Variants in ATP5F1D observed in about 807,000 individuals in gnomAD.
ATP5F1D encodes the protein ATP synthase F(1) complex subunit delta, mitochondrial.
A neutral mutation model predicts 13.0 loss-of-function variants in ATP5F1D; 16 were observed. The observed-to-expected ratio is 1.23, with a 90% confidence interval of 0.83 to 1.87. The LOEUF (loss-of-function observed/expected upper bound fraction) is 1.87. Ranked by LOEUF, ATP5F1D falls within the 40% of genes most tolerant of loss-of-function variation. The probability of loss-of-function intolerance (pLI) is 0.00; values close to 1 mark genes in which losing one functional copy is unlikely to be tolerated. For missense variants in ATP5F1D, 294 were observed against 246.2 expected, an observed-to-expected ratio of 1.19 and a Z score of -1.30; for synonymous variants, 129 against 116.2, an observed-to-expected ratio of 1.11 and a Z score of -0.71.
intron 1 of ATP5F1D, 144 bp downstream of exon 1, chr19:1,242,135 C>T: frequency 2.8e-6 from 3 of 1,074,648 alleles, no homozygotes; most frequent in Non-Finnish European, 3.6e-6. Flanking sequence ...ACCCTCGGCC[C>T]TGCCTCTGCT....
At position 1,241,890 on chromosome 19, in the gene ATP5F1D, C is replaced by A. The variant is rs758564942; in HGVS notation, c.40C>A (p.Arg14Ser). Reference sequence around the variant, plus strand: ...GCTGCTCCGCCGCCCGGGACTTGGCCGCCTCGTCCGCCACGCCCGTGCCTA... The same window carrying A: ...GCTGCTCCGCCGCCCGGGACTTGGCAGCCTCGTCCGCCACGCCCGTGCCTA... ...AALLRRPGLG[R>S]LVRHARAYAE... Residue 14 changes from arginine to serine, a missense_variant, in exon 1 of 4, where the codon CGC (arginine) becomes AGC (serine). Arg to Ser is a moderately radical substitution (Grantham distance 110). Coordinates refer to ENST00000215375, the MANE Select transcript of ATP5F1D (RefSeq NM_001687.5). The A allele has an allele frequency of 1.4e-6, 2 of 1,444,864 alleles. No individual in the cohort carries two copies. The highest frequency in any genetic ancestry group is 2.8e-5 in the South Asian group (2 of 71,298). 89.5% of individuals were successfully genotyped at this position (1,444,864 alleles called of 1,614,324 possible). A position where few individuals can be genotyped will look rare whatever the true frequency, so the allele number is the denominator to read the frequency against.
intron 1 of ATP5F1D, 141 bp from the exon 2 acceptor site, chr19:1,242,315 G>A (rs1371602692): frequency 5.5e-6 from 6 of 1,083,290 alleles, no homozygotes; most frequent in Non-Finnish European, 7.4e-6. Flanking sequence ...CTGCAACTTC[G>A]GATCCCTGCG....
chr19:1,243,697 G>A (rs1048089200), intron 2 of ATP5F1D, among the ~76,000 whole-genome samples: 2 of 152,334 alleles, frequency 1.3e-5, no homozygotes, highest in African/African-American at 4.8e-5. Flanking sequence ...GGGCTGATCA[G>A]ATTAGGGGAG....
Position 1,244,299 on chromosome 19 carries a change from C to T in ATP5F1D, c.385-16C>T, listed in dbSNP as rs770142305. ...GGGTCGCTGCTGGCCCCTCACCGCCCCTCAACCCCTTGCAGGCAGCCAAGG... is the reference window on the plus strand; with the variant it reads ...GGGTCGCTGCTGGCCCCTCACCGCCTCTCAACCCCTTGCAGGCAGCCAAGG... On this transcript the variant is annotated splice_polypyrimidine_tract_variant and intron_variant, in intron 3 of 3. Transcript: ENST00000215375. 3 of 1,589,678 alleles carry T rather than the reference C, an allele frequency of 1.9e-6. No homozygotes were observed. The highest frequency in any genetic ancestry group is 1.1e-5 in the South Asian group (1 of 87,768).
Position 1,242,522 on chromosome 19 carries a change from C to T in ATP5F1D, c.208C>T (p.Leu70=). 6.4e-7 allele frequency: 1 copy of T among 1,550,874 alleles called. No individual in the cohort carries two copies. Among genetic ancestry groups the T allele is most frequent in the Non-Finnish European group, 8.7e-7 (1 of 1,147,566 alleles). Residue 70 remains leucine, a synonymous_variant, in exon 2 of 4, where the codon CTG becomes TTG. Transcript: ENST00000215375. ...VPTLTGAFGI[L]AAHVPTLQVL... ...CACGCTGACCGGAGCCTTCGGCATCCTGGCGGCCCACGTGCCCACGCTGCA... is the reference window on the plus strand; with the variant it reads ...CACGCTGACCGGAGCCTTCGGCATCTTGGCGGCCCACGTGCCCACGCTGCA...
chr19:1,243,837 C>T (rs2081049181), intron 2 of ATP5F1D, among the ~76,000 whole-genome samples: 1 of 152,210 alleles, frequency 6.6e-6, no homozygotes, highest in Non-Finnish European at 1.5e-5. Flanking sequence ...AGAGGGAGGG[C>T]CTCTGTCCCC....
intron 2 of ATP5F1D, 34 bp downstream of exon 2, chr19:1,242,643 G>T: frequency 1.4e-6 from 2 of 1,462,552 alleles, no homozygotes; most frequent in Non-Finnish European, 1.8e-6. Context: ...GGCCAGGCCA[G>T]GCTGGGGCTC....
At position 1,242,470 on chromosome 19, in the gene ATP5F1D, T is replaced by C; in HGVS notation, c.156T>C (p.Gly52=). 1 of 1,531,924 alleles carries C rather than the reference T, an allele frequency of 6.5e-7. No homozygotes were observed. Among genetic ancestry groups the C allele is most frequent in the Non-Finnish European group, 8.8e-7 (1 of 1,134,232 alleles). 94.9% of individuals were successfully genotyped at this position (1,531,924 alleles called of 1,614,324 possible). A position where few individuals can be genotyped will look rare whatever the true frequency, so the allele number is the denominator to read the frequency against. ...FASPTQVFFN[G]ANVRQVDVPT... is the part of the protein sequence containing the mutation. ...GTTGTCTGCAGGTGTTCTTCAACGG[T>C]GCCAACGTCCGGCAGGTGGACGTGC... Residue 52 remains glycine, a synonymous_variant, in exon 2 of 4, where the codon GGT becomes GGC. Transcript: ENST00000215375.
At chr19:1,242,176 C>A in intron 1 of ATP5F1D, 185 bp downstream of exon 1, 1 of 900,530 alleles carries the variant, frequency 1.1e-6, no homozygotes, top group Non-Finnish European at 1.5e-6. Context: ...TCGTCCCGGG[C>A]ACCTCCCCGA....
intron 2 of ATP5F1D, 121 bp from the exon 3 acceptor site, chr19:1,243,976 C>T: frequency 9.7e-7 from 1 of 1,034,286 alleles, no homozygotes; most frequent in East Asian, 2.6e-5. Flanking sequence ...ACACTCAGGA[C>T]ACAGACTTGG....
chr19:1,243,749 C>A (rs115251639), intron 2 of ATP5F1D, among the ~76,000 whole-genome samples: 3 of 152,236 alleles, frequency 2.0e-5, no homozygotes, highest in African/African-American at 4.8e-5. Flanking sequence ...CTAAGCCTCA[C>A]TGGTTTCCAG....
chr19:1,244,474 G>C lies in ATP5F1D; in HGVS notation c.*37G>C, dbSNP rs571314147. 3 of 1,539,828 alleles carry C rather than the reference G, an allele frequency of 1.9e-6. No individual in the cohort carries two copies. Among genetic ancestry groups the C allele is most frequent in the Non-Finnish European group, 2.6e-6 (3 of 1,140,354 alleles). ...CCGGTGTCCCGAGGCCCGGCCAGGG[G>C]CTGGGCAGGGATGCCAGGTGGGCCC... is the stretch of plus-strand genomic sequence containing the variant. On this transcript the variant is annotated 3_prime_UTR_variant, in exon 4 of 4. Coordinates refer to ENST00000215375, the MANE Select transcript of ATP5F1D (RefSeq NM_001687.5).
chr19:1,242,412 G>C (rs1386818598), intron 1 of ATP5F1D, 44 bp from the exon 2 acceptor site: 1 of 1,463,800 alleles, frequency 6.8e-7, no homozygotes, highest in East Asian at 2.6e-5. Context: ...GGTGGGCGCG[G>C]GGCCGGCCTG....
In ATP5F1D at chr19:1,241,976, C is replaced by T. The variant is rs758610755; in HGVS notation, c.126C>T (p.Phe42=). The T allele has an allele frequency of 2.7e-6, 4 of 1,472,488 alleles. No homozygotes were observed. Among genetic ancestry groups the T allele is most frequent in the South Asian group, 2.7e-5 (2 of 74,902 alleles). The allele number at this position is 1,472,488 out of a possible 1,614,324, so 91.2% of individuals were successfully genotyped here. A position where few individuals can be genotyped will look rare whatever the true frequency, so the allele number is the denominator to read the frequency against. Residue 42 remains phenylalanine, a synonymous_variant, in exon 1 of 4, where the codon TTC becomes TTT. Coordinates refer to ENST00000215375, the MANE Select transcript of ATP5F1D (RefSeq NM_001687.5). ...GCCCCAACCAGATGTCCTTCACCTT[C>T]GCCTCTCCCACGCAGGTTCGGGCGC... The part of the protein sequence containing the change: ...ASGPNQMSFT[F]ASPTQVFFNG...
chr19:1,242,481 G>C lies in ATP5F1D; in HGVS notation c.167G>C (p.Arg56Pro). The change falls in exon 2 of 4, where the codon CGG (arginine) becomes CCG (proline). Residue 56 changes from arginine (R) to proline (P), a missense_variant. By Grantham distance (103) the Arg-to-Pro change is moderately radical (BLOSUM62 -2). Transcript: ENST00000215375. ...GTGTTCTTCAACGGTGCCAACGTCC[G>C]GCAGGTGGACGTGCCCACGCTGACC... The part of the protein sequence containing the change: ...TQVFFNGANV[R>P]QVDVPTLTGA... 6.5e-7 allele frequency: 1 copy of C among 1,536,194 alleles called. No individual in the cohort carries two copies. The highest frequency in any genetic ancestry group is 1.2e-5 in the South Asian group (1 of 83,112).
chr19:1,244,056 C>T (rs751149922), intron 2 of ATP5F1D, 41 bp from the exon 3 acceptor site: 26 of 1,577,050 alleles, frequency 1.6e-5, no homozygotes, highest in Non-Finnish European at 2.2e-5. Flanking sequence ...GCTGTGCAGC[C>T]CTTTGGGGTC....
intron 2 of ATP5F1D, chr19:1,243,196 C>A (rs1397689587): frequency 6.6e-6 from 1 of 152,570 alleles, no homozygotes; most frequent in South Asian, 2.0e-4. Context: ...TGGCTCTGGA[C>A]CAACCAATGT....
intron 3 of ATP5F1D, 57 bp downstream of exon 3, chr19:1,244,242 GA>G: frequency 6.3e-7 from 1 of 1,583,800 alleles, no homozygotes; most frequent in Non-Finnish European, 8.6e-7. Flanking sequence ...GGCTGCGGGG[GA>G]GGGAGCGCTG....
In ATP5F1D at chr19:1,244,201, G is replaced by A. The variant is rs76660329; in HGVS notation, c.384+16G>A. On this transcript the variant is annotated intron_variant, in intron 3 of 3. Transcript: ENST00000215375. ...GGACCTGGGGGTGAGTGTCAGAGGGGACCTGAGGCTCAGCAGGTTGGAGCT... is the reference window on the plus strand; with the variant it reads ...GGACCTGGGGGTGAGTGTCAGAGGGAACCTGAGGCTCAGCAGGTTGGAGCT... 3.5e-5 allele frequency: 57 copies of A among 1,607,216 alleles called. 1 individual carries two copies. In the South Asian group the frequency reaches 5.6e-4, roughly 16 times the overall value.
Sources: allele counts gnomAD v4.1 joint callset (sites outside exome capture counted in the v4.1 genomes callset), GRCh38; gene constraint gnomAD v4.1.1; transcripts MANE v1.5; gene names NCBI Gene and HGNC (gene_info 2026-07-23, HGNC 2026-07-21).